The following HIP1 variants were observed in gnomAD, a reference collection of about 807,000 sequenced individuals.
The protein encoded by HIP1 is huntingtin-interacting protein 1.
A neutral mutation model predicts 147.6 loss-of-function variants in HIP1; 65 were observed. That is an observed-to-expected ratio of 0.44 (90% CI 0.36 to 0.54). The LOEUF (loss-of-function observed/expected upper bound fraction) is 0.54, where lower values mean the gene tolerates loss of function less well. Ranked by LOEUF, HIP1 falls within the 20% of genes least tolerant of loss-of-function variation. The pLI is 0.00. For synonymous variants in HIP1, 479 were observed against 504.0 expected, an observed-to-expected ratio of 0.95 and a Z score of 0.67; for missense variants, 1,061 against 1,299.6, an observed-to-expected ratio of 0.82 and a Z score of 2.82.
intron 5 of HIP1, among the ~76,000 whole-genome samples, chr7:75,583,889 A>C (rs1171446703): frequency 7.0e-6 from 1 of 143,748 alleles, no homozygotes; most frequent in Non-Finnish European, 1.5e-5. Flanking sequence ...TGGCCTCCCG[A>C]AGTGCTGGGA....
rs782594640 is a variant in HIP1, at chr7:75,592,395, G to T, written c.304C>A (p.Leu102Ile). The T allele has an allele frequency of 8.5e-5, 137 of 1,610,420 alleles. No individual in the cohort carries two copies. Among genetic ancestry groups the T allele is most frequent in the Non-Finnish European group, 1.1e-4 (132 of 1,179,086 alleles). ...ACGTTCGGGTGTCCATCTCGGAGGA[G>T]TTTGTGGAACACATGGCAGAACTTC... ...CWKFCHVFHK[L>I]LRDGHPNVLK... is the part of the protein sequence containing the mutation. The change falls in exon 3 of 31, where the codon CTC becomes ATC. Residue 102 changes from leucine to isoleucine, a missense_variant. Coordinates refer to ENST00000336926, the MANE Select transcript of HIP1 (RefSeq NM_005338.7).
At position 75,586,844 on chromosome 7, in the gene HIP1, G is replaced by T; in HGVS notation, c.385-11C>A. The T allele has an allele frequency of 1.9e-6, 3 of 1,580,628 alleles. No homozygotes were observed. The highest frequency in any genetic ancestry group is 2.6e-6 in the Non-Finnish European group (3 of 1,150,282). The stretch of plus-strand genomic sequence containing the variant: ...CTCGCTCAGGTGGCCCTTTTAGGAA[G>T]AGGAGGGGAAACAGAGTCAACAACA... On this transcript the variant is annotated splice_polypyrimidine_tract_variant and intron_variant, in intron 4 of 30. Transcript: ENST00000336926.
intron 1 of HIP1, among the ~76,000 whole-genome samples, chr7:75,686,145 C>T (rs1554517570): frequency 2.6e-5 from 4 of 152,158 alleles, no homozygotes; most frequent in African/African-American, 9.7e-5. Flanking sequence ...CTGCCTCGGC[C>T]TCCCAAAGTA....
At chr7:75,623,531 G>A (rs1554507539) in intron 1 of HIP1, among the ~76,000 whole-genome samples, 14 of 152,216 alleles carry the variant, frequency 9.2e-5, no homozygotes, top group Non-Finnish European at 1.5e-5. Context: ...GGTGAGGGCA[G>A]TGCCAGTTTT....
At chr7:75,610,153 T>TCA (rs1285611233) in intron 1 of HIP1, among the ~76,000 whole-genome samples, 1 of 150,770 alleles carries the variant, frequency 6.6e-6, no homozygotes, top group African/African-American at 2.4e-5. Context: ...TCCACCTGTC[T>TCA]CAGTTTCCCA....
Position 75,637,110 on chromosome 7 carries a change from A to G in HIP1, c.121-37863T>C, listed in dbSNP as rs575582044. Among the ~76,000 whole-genome samples the G allele has an allele frequency of 7.9e-5, 12 of 152,306 alleles. 1 individual carries two copies. The highest frequency in any genetic ancestry group is 2.9e-4 in the African/African-American group (12 of 41,562). On this transcript the variant is annotated intron_variant, in intron 1 of 30. Transcript: ENST00000336926. ...CCTTCTGATCCAGGCCTGTATTGAT[A>G]GCTAACTGTTGAGTCGGCCTGTATC...
chr7:75,612,318 T>C (rs1486427781), intron 1 of HIP1, among the ~76,000 whole-genome samples: 1 of 152,126 alleles, frequency 6.6e-6, no homozygotes, highest in Non-Finnish European at 1.5e-5. Flanking sequence ...CAGACCAGCC[T>C]GGCCGACATG....
intron 9 of HIP1, among the ~76,000 whole-genome samples, chr7:75,563,776 C>T (rs1795312562): frequency 6.6e-6 from 1 of 152,184 alleles, no homozygotes; most frequent in Admixed American, 6.6e-5. Flanking sequence ...GAGCTGTTTC[C>T]CATAATGCCA....
intron 1 of HIP1, among the ~76,000 whole-genome samples, chr7:75,615,754 A>G (rs1242117743): frequency 6.6e-6 from 1 of 152,120 alleles, no homozygotes; most frequent in East Asian, 1.9e-4. Flanking sequence ...AGCCTGGGTG[A>G]CACAGCGAGA....
intron 1 of HIP1, among the ~76,000 whole-genome samples, chr7:75,737,130 T>C (rs999280903): frequency 6.6e-6 from 1 of 152,138 alleles, no homozygotes; most frequent in Non-Finnish European, 1.5e-5. Context: ...CTCAGTGTGT[T>C]GTCTAGGCAG....
At chr7:75,618,084 C>T (rs1240813080) in intron 1 of HIP1, among the ~76,000 whole-genome samples, 3 of 152,250 alleles carry the variant, frequency 2.0e-5, no homozygotes, top group East Asian at 1.9e-4. Context: ...TCCCCACAAA[C>T]CACCAGCATT....
chr7:75,595,764 A>G (rs138670892), intron 2 of HIP1, among the ~76,000 whole-genome samples: 1 of 152,290 alleles, frequency 6.6e-6, no homozygotes, highest in African/African-American at 2.4e-5. Context: ...TCAGGGAGAA[A>G]AAAAAGAAAA....
chr7:75,718,273 C>T (rs891107946), intron 1 of HIP1, among the ~76,000 whole-genome samples: 3 of 152,052 alleles, frequency 2.0e-5, no homozygotes, highest in Non-Finnish European at 4.4e-5. Flanking sequence ...GGGAGGGTCG[C>T]TTGAGCCCAA....
intron 2 of HIP1, among the ~76,000 whole-genome samples, chr7:75,597,997 G>A (rs148538642): frequency 6.6e-6 from 1 of 152,190 alleles, no homozygotes; most frequent in African/African-American, 2.4e-5. Context: ...GGGCTTTCAA[G>A]TCACCCATTC....
In HIP1 at chr7:75,729,260, G is replaced by A. The variant is rs1563317213; in HGVS notation, c.120+9541C>T. ...GAGGCGAGAGGATCGCTTCAGGCCA[G>A]GAGTTTGAGACAAGCCTGGGCAACG... On this transcript the variant is annotated intron_variant, in intron 1 of 30. Transcript: ENST00000336926. Among the ~76,000 whole-genome samples, 3 of 133,138 alleles carry A rather than the reference G, an allele frequency of 2.3e-5. No individual in the cohort carries two copies. In the South Asian group the frequency reaches 7.3e-4, roughly 32 times the overall value. The allele number at this position is 133,138 out of a possible 152,430, so 87.3% of individuals were successfully genotyped here.
intron 1 of HIP1, among the ~76,000 whole-genome samples, chr7:75,668,672 G>T (rs915900288): frequency 6.6e-6 from 1 of 152,082 alleles, no homozygotes; most frequent in Non-Finnish European, 1.5e-5. Flanking sequence ...CCAACCTCCT[G>T]GCCAATGATA....
At chr7:75,585,989 AT>A (rs1466909518) in intron 5 of HIP1, among the ~76,000 whole-genome samples, 1 of 150,846 alleles carries the variant, frequency 6.6e-6, no homozygotes, top group Admixed American at 6.6e-5. Context: ...TAATTTTTAA[AT>A]TTTTTTGTAG....
At chr7:75,683,409 G>A (rs1261804927) in intron 1 of HIP1, among the ~76,000 whole-genome samples, 2 of 151,654 alleles carry the variant, frequency 1.3e-5, no homozygotes, top group Non-Finnish European at 2.9e-5. Context: ...CAAAGAGCAA[G>A]CAAGAGAAGC....
intron 1 of HIP1, among the ~76,000 whole-genome samples, chr7:75,608,030 G>A (rs1366162584): frequency 1.3e-5 from 2 of 152,188 alleles, no homozygotes; most frequent in Non-Finnish European, 2.9e-5. Flanking sequence ...TGTTTTGGCT[G>A]GGCACATGGC....
Sources: gnomAD v4.1 joint callset for allele counts (sites outside exome capture counted in the v4.1 genomes callset) on GRCh38, gnomAD v4.1.1 for gene constraint, MANE v1.5 for transcripts, NCBI Gene and HGNC (gene_info 2026-07-23, HGNC 2026-07-21) for gene names.